The following STAB2 variants were observed in gnomAD, a reference collection of about 807,000 sequenced individuals.
STAB2 encodes stabilin-2.
A neutral mutation model predicts 338.1 loss-of-function variants in STAB2; 288 were observed. The observed-to-expected ratio is 0.85, with a 90% CI of 0.77 to 0.94. STAB2 has a LOEUF of 0.94. STAB2 is among the 40% of genes least tolerant of loss of function. The pLI is 0.00. For missense variants in STAB2, 3,141 were observed against 3,210.1 expected, an observed-to-expected ratio of 0.98 and a Z score of 0.52; for synonymous variants, 1,202 against 1,193.3, an observed-to-expected ratio of 1.01 and a Z score of -0.15.
intron 23 of STAB2, 28 bp from the exon 24 acceptor site, chr12:103,675,900 G>A: frequency 6.3e-7 from 1 of 1,576,192 alleles, no homozygotes; most frequent in South Asian, 1.1e-5. Flanking sequence ...CTTATTCTGG[G>A]GCTGATATTG....
chr12:103,731,544 A>G (rs1236987384), intron 49 of STAB2, 32 bp from the exon 50 acceptor site: 1 of 1,610,270 alleles, frequency 6.2e-7, no homozygotes, highest in South Asian at 1.1e-5. Flanking sequence ...GTATAAGGAA[A>G]AGTTTCATGC....
chr12:103,697,837 G>A (rs893915553), intron 33 of STAB2, among the ~76,000 whole-genome samples: 2 of 152,198 alleles, frequency 1.3e-5, no homozygotes, highest in Non-Finnish European at 2.9e-5. Context: ...GAGGAGGTTG[G>A]AATTTCTAAA....
Position 103,622,031 on chromosome 12 carries a change from G to T in STAB2, c.418-11G>T, listed in dbSNP as rs751471070. 4.3e-6 allele frequency: 7 copies of T among 1,614,172 alleles called. No homozygotes were observed. The Admixed American group carries it at 6.7e-5, about 15-fold the overall frequency. On this transcript the variant is annotated splice_polypyrimidine_tract_variant and intron_variant, in intron 4 of 68. Transcript: ENST00000388887. ...TTGGGTCTAATGTCAACCACCTGGGGTGTTTTGCAGGAAGGGTTTGGTGGA... is the reference window on the plus strand; with the variant it reads ...TTGGGTCTAATGTCAACCACCTGGGTTGTTTTGCAGGAAGGGTTTGGTGGA...
At chr12:103,752,201 T>C (rs1282067288) in intron 60 of STAB2, among the ~76,000 whole-genome samples, 1 of 152,220 alleles carries the variant, frequency 6.6e-6, no homozygotes, top group Non-Finnish European at 1.5e-5. Flanking sequence ...ATATATCTAA[T>C]AGTAAATGAT....
chr12:103,650,462 C>A, intron 10 of STAB2, 34 bp from the exon 11 acceptor site: 1 of 1,595,224 alleles, frequency 6.3e-7, no homozygotes, highest in South Asian at 1.1e-5. Context: ...ACTCATTTGG[C>A]GTTTTCTTTC....
At chr12:103,601,951 G>C (rs1212721852) in intron 3 of STAB2, among the ~76,000 whole-genome samples, 2 of 152,134 alleles carry the variant, frequency 1.3e-5, no homozygotes, top group Non-Finnish European at 2.9e-5. Context: ...CACATGATCA[G>C]TGCTAATAGA....
chr12:103,725,412 A>G (rs1053517241), intron 45 of STAB2, among the ~76,000 whole-genome samples: 2 of 152,232 alleles, frequency 1.3e-5, no homozygotes, highest in East Asian at 3.8e-4. Context: ...TCAATTTTCC[A>G]ATCTGTAAAA....
intron 9 of STAB2, among the ~76,000 whole-genome samples, chr12:103,644,933 C>T (rs1384286659): frequency 6.6e-6 from 1 of 151,930 alleles, no homozygotes; most frequent in Non-Finnish European, 1.5e-5. Flanking sequence ...AATGTATACA[C>T]CTACTATGTA....
chr12:103,760,640 G>A (rs138271777), intron 65 of STAB2, among the ~76,000 whole-genome samples: 1 of 152,182 alleles, frequency 6.6e-6, no homozygotes, highest in Non-Finnish European at 1.5e-5. Flanking sequence ...GGAGATGACC[G>A]TGGGGGTAGC....
At chr12:103,741,800 C>T (rs979961734) in intron 55 of STAB2, among the ~76,000 whole-genome samples, 61 of 152,258 alleles carry the variant, frequency 4.0e-4, no homozygotes, top group African/African-American at 1.3e-3. Context: ...ACAGAGAGGA[C>T]AAGAAGTAAA....
At chr12:103,666,672 T>C (rs964138575) in intron 19 of STAB2, among the ~76,000 whole-genome samples, 1 of 152,226 alleles carries the variant, frequency 6.6e-6, no homozygotes, top group Non-Finnish European at 1.5e-5. Flanking sequence ...TCCCATCTAC[T>C]TTTTCCCTTT....
chr12:103,750,742 G>T, intron 60 of STAB2, 22 bp downstream of exon 60: 2 of 1,600,882 alleles, frequency 1.2e-6, no homozygotes, highest in Non-Finnish European at 1.7e-6. Flanking sequence ...CAGGGCCTAT[G>T]GCCCAAAGCA....
chr12:103,591,595 G>A (rs541319731), intron 2 of STAB2, among the ~76,000 whole-genome samples: 1 of 152,192 alleles, frequency 6.6e-6, no homozygotes, highest in South Asian at 2.1e-4. Flanking sequence ...GAAAATCTGG[G>A]TTTTATTTAA....
intron 1 of STAB2, among the ~76,000 whole-genome samples, chr12:103,589,770 G>A (rs1161159655): frequency 6.6e-6 from 1 of 152,142 alleles, no homozygotes; most frequent in African/African-American, 2.4e-5. Flanking sequence ...GAGGAAACAG[G>A]CACAAAGGTG....
intron 9 of STAB2, among the ~76,000 whole-genome samples, chr12:103,646,988 A>G (rs1395509380): frequency 6.6e-6 from 1 of 152,192 alleles, no homozygotes; most frequent in Non-Finnish European, 1.5e-5. Context: ...AGGCTGAGAA[A>G]GGCATAACAG....
In STAB2 at chr12:103,724,925, C is replaced by T. The variant is rs767400190; in HGVS notation, c.4684-50C>T. 2.5e-6 allele frequency: 4 copies of T among 1,587,990 alleles called. No individual in the cohort carries two copies. In the Admixed American group the frequency reaches 6.8e-5, roughly 27 times the overall value. On this transcript the variant is annotated intron_variant, in intron 44 of 68. Transcript: ENST00000388887. ...GCTTTGTAAATATCGGTAGAGCTGG[C>T]AAACTAACTGGTCTAATCCCCATCC...
chr12:103,644,522 G>T (rs1245790464), intron 9 of STAB2, among the ~76,000 whole-genome samples: 9 of 144,958 alleles, frequency 6.2e-5, no homozygotes, highest in Admixed American at 3.4e-4. Flanking sequence ...ACCCAAGAAT[G>T]ATCAATAAAA....
chr12:103,621,421 A>C (rs1054757305), intron 4 of STAB2, among the ~76,000 whole-genome samples: 2 of 152,174 alleles, frequency 1.3e-5, no homozygotes, highest in African/African-American at 4.8e-5. Flanking sequence ...AAAAGGATTG[A>C]GCTCAACTGT....
intron 36 of STAB2, chr12:103,704,819 G>T: frequency 2.0e-6 from 1 of 491,786 alleles, no homozygotes; most frequent in African/African-American, 2.0e-5. Context: ...AACATAAATG[G>T]GTTCATATGA....
Sources: gnomAD v4.1 joint callset for allele counts (sites outside exome capture counted in the v4.1 genomes callset) on GRCh38, gnomAD v4.1.1 for gene constraint, MANE v1.5 for transcripts, NCBI Gene and HGNC (gene_info 2026-07-23, HGNC 2026-07-21) for gene names.